Variants in TMEM132C observed in about 807,000 individuals in gnomAD.
TMEM132C encodes the protein transmembrane protein 132C, also known as protein phosphatase 1, regulatory subunit 152.
In TMEM132C, 29 loss-of-function variants were observed where a neutral mutation model predicts 61.4. The observed-to-expected ratio is 0.47, with a 90% confidence interval of 0.35 to 0.64. TMEM132C has a LOEUF of 0.64. Among genes scored for constraint, TMEM132C ranks in the 30% least tolerant of loss-of-function variants. TMEM132C has a pLI of 0.00. For synonymous variants in TMEM132C, 656 were observed against 633.1 expected (o/e 1.04, Z -0.54); for missense variants, 1,408 against 1,476.9 (o/e 0.95, Z 0.76).
At chr12:128,445,610 C>T (rs1172189460) in intron 2 of TMEM132C, among the ~76,000 whole-genome samples, 1 of 152,190 alleles carries the variant, frequency 6.6e-6, no homozygotes, top group African/African-American at 2.4e-5. Flanking sequence ...GGACCATCCC[C>T]AGTCTCTCTG....
At chr12:128,464,819 A>AGAG (rs1870673960) in intron 2 of TMEM132C, among the ~76,000 whole-genome samples, 3 of 152,022 alleles carry the variant, frequency 2.0e-5, no homozygotes, top group African/African-American at 7.2e-5. Context: ...GAAGGAAGAA[A>AGAG]ATAAATAGAA....
At chr12:128,578,799 T>C (rs113334132) in intron 3 of TMEM132C, among the ~76,000 whole-genome samples, 1 of 152,300 alleles carries the variant, frequency 6.6e-6, no homozygotes, top group African/African-American at 2.4e-5. Context: ...GGTTTCGCCA[T>C]GTTCGTCAGG....
At chr12:128,329,266 AT>A (rs1306418470) in intron 1 of TMEM132C, among the ~76,000 whole-genome samples, 1 of 151,898 alleles carries the variant, frequency 6.6e-6, no homozygotes, top group East Asian at 1.9e-4. Context: ...GCATAGTTGG[AT>A]TTTTTTTCTT....
In TMEM132C at chr12:128,705,396, G is replaced by A. The variant is rs12424159; in HGVS notation, c.2428G>A (p.Gly810Arg). 832,649 of 1,550,900 alleles carry A rather than the reference G, an allele frequency of 0.54. 228,903 individuals carry two copies. The highest frequency in any genetic ancestry group is 0.66 in the Admixed American group (33,760 of 50,982). ...GQNDADSSPG[G>R]DYEEDEIKNH... is the part of the protein sequence containing the mutation. ...GAACGATGCTGACTCCAGCCCCGGCGGGGACTATGAGGAAGATGAGATCAA... is the reference window on the plus strand; with the variant it reads ...GAACGATGCTGACTCCAGCCCCGGCAGGGACTATGAGGAAGATGAGATCAA... The change falls in exon 9 of 9, where the codon GGG (glycine) becomes AGG (arginine). Residue 810 changes from glycine (G) to arginine (R), a missense_variant. Gly to Arg is a moderately radical substitution (Grantham distance 125, BLOSUM62 -2). Coordinates refer to ENST00000435159, the MANE Select transcript of TMEM132C (RefSeq NM_001136103.3).
At chr12:128,297,295 C>T (rs1467129336) in intron 1 of TMEM132C, among the ~76,000 whole-genome samples, 3 of 152,118 alleles carry the variant, frequency 2.0e-5, no homozygotes, top group East Asian at 3.9e-4. Context: ...TTGGGCTGGA[C>T]GTGATGGCCT....
At position 128,456,368 on chromosome 12, in the gene TMEM132C, T is replaced by C. The variant is rs1223948988; in HGVS notation, c.974+40748T>C. Reference sequence around the variant, plus strand: ...CTTAATTCTATGGTCTGATTAGCCTTTTTTTTTTTTTTTTTTTTTTTTTTT... The same window carrying C: ...CTTAATTCTATGGTCTGATTAGCCTCTTTTTTTTTTTTTTTTTTTTTTTTT... On this transcript the variant is annotated intron_variant, in intron 2 of 8. Transcript: ENST00000435159. Among the ~76,000 whole-genome samples the C allele has an allele frequency of 3.1e-3, 36 of 11,782 alleles. No individual in the cohort carries two copies. The East Asian group carries it at 0.052, about 17-fold the overall frequency. The allele number at this position is 11,782 out of a possible 152,430, so 7.7% of individuals were successfully genotyped here. A position where few individuals can be genotyped will look rare whatever the true frequency, so the allele number is the denominator to read the frequency against.
intron 4 of TMEM132C, among the ~76,000 whole-genome samples, chr12:128,666,962 C>T (rs1215063948): frequency 2.0e-5 from 3 of 152,116 alleles, no homozygotes; most frequent in Non-Finnish European, 4.4e-5. Context: ...CCCCGCTACT[C>T]GGGAGGCTGA....
intron 3 of TMEM132C, among the ~76,000 whole-genome samples, chr12:128,609,948 C>G (rs1022683889): frequency 1.3e-5 from 2 of 152,234 alleles, no homozygotes; most frequent in Admixed American, 1.3e-4. Context: ...TCCAGTCAGC[C>G]TGGTAATTTT....
intron 2 of TMEM132C, among the ~76,000 whole-genome samples, chr12:128,515,396 G>A (rs1191929596): frequency 6.6e-6 from 1 of 152,202 alleles, no homozygotes; most frequent in Non-Finnish European, 1.5e-5. Flanking sequence ...AGTGAGGATG[G>A]CCAAATACAA....
At chr12:128,371,729 T>C (rs983982028) in intron 1 of TMEM132C, among the ~76,000 whole-genome samples, 1 of 152,126 alleles carries the variant, frequency 6.6e-6, no homozygotes, top group Non-Finnish European at 1.5e-5. Flanking sequence ...CATGTCACCA[T>C]GCTGTGCTAA....
intron 2 of TMEM132C, among the ~76,000 whole-genome samples, chr12:128,495,150 G>T (rs1258856780): frequency 6.6e-6 from 1 of 151,586 alleles, no homozygotes; most frequent in African/African-American, 2.4e-5. Flanking sequence ...TAGTTGAGTG[G>T]TTTTGAGTGA....
intron 1 of TMEM132C, among the ~76,000 whole-genome samples, chr12:128,345,141 C>T (rs1296113938): frequency 6.6e-6 from 1 of 152,124 alleles, no homozygotes; most frequent in African/African-American, 2.4e-5. Flanking sequence ...CCACCTATAA[C>T]TGAGAACATG....
At chr12:128,607,651 T>G (rs1467911649) in intron 3 of TMEM132C, among the ~76,000 whole-genome samples, 2 of 152,166 alleles carry the variant, frequency 1.3e-5, no homozygotes, top group Non-Finnish European at 1.5e-5. Context: ...AAAGAGAGCA[T>G]TCAAGAATGA....
At chr12:128,617,938 C>T (rs560503656) in intron 4 of TMEM132C, among the ~76,000 whole-genome samples, 1 of 152,348 alleles carries the variant, frequency 6.6e-6, no homozygotes, top group East Asian at 1.9e-4. Context: ...CCATGGGCCA[C>T]ATCCAATCTG....
intron 3 of TMEM132C, among the ~76,000 whole-genome samples, chr12:128,600,235 G>A (rs1242284256): frequency 6.6e-6 from 1 of 152,094 alleles, no homozygotes; most frequent in Non-Finnish European, 1.5e-5. Context: ...GCCCACCTCG[G>A]CCTCCCAAAG....
intron 1 of TMEM132C, among the ~76,000 whole-genome samples, chr12:128,373,887 A>G (rs550296144): frequency 2.6e-4 from 40 of 152,320 alleles, no homozygotes; most frequent in African/African-American, 9.6e-4. Flanking sequence ...TGCGTGCTGC[A>G]CTTCAGCTTA....
At chr12:128,437,007 G>C (rs1283193470) in intron 2 of TMEM132C, among the ~76,000 whole-genome samples, 2 of 152,200 alleles carry the variant, frequency 1.3e-5, no homozygotes, top group East Asian at 3.9e-4. Flanking sequence ...GGACATGGAT[G>C]AAGCTGGAAA....
intron 1 of TMEM132C, among the ~76,000 whole-genome samples, chr12:128,313,046 C>T (rs1211152106): frequency 6.6e-6 from 1 of 152,218 alleles, no homozygotes; most frequent in Non-Finnish European, 1.5e-5. Context: ...CACAGAGAGG[C>T]AACATAACAA....
At chr12:128,402,411 G>A (rs891510643) in intron 1 of TMEM132C, among the ~76,000 whole-genome samples, 20 of 152,112 alleles carry the variant, frequency 1.3e-4, no homozygotes, top group African/African-American at 4.6e-4. Flanking sequence ...TCCATCCTCC[G>A]TTAGGCCCCA....
Sources: allele counts gnomAD v4.1 joint callset (sites outside exome capture counted in the v4.1 genomes callset), GRCh38; gene constraint gnomAD v4.1.1; transcripts MANE v1.5; gene names NCBI Gene and HGNC (gene_info 2026-07-23, HGNC 2026-07-21).